Variants in MED12L observed in about 807,000 individuals in gnomAD.
MED12L encodes mediator complex subunit 12L.
Under a neutral mutation model 281.3 loss-of-function variants are expected in MED12L, and 60 were observed. That is an observed-to-expected ratio of 0.21 (90% CI 0.17 to 0.26). The LOEUF is 0.26. Among genes scored for constraint, MED12L ranks in the 10% least tolerant of loss-of-function variants. The pLI, the probability that MED12L is intolerant of heterozygous loss-of-function variation, is 1.00. For missense variants in MED12L, 2,146 were observed against 2,680.9 expected (o/e 0.80, Z 4.41); for synonymous variants, 974 against 987.2 (o/e 0.99, Z 0.25).
chr3:151,142,400 CAA>C (rs1717151550), intron 5 of MED12L, among the ~76,000 whole-genome samples: 1 of 152,124 alleles, frequency 6.6e-6, no homozygotes, highest in African/African-American at 2.4e-5. Context: ...AAAGCATAAA[CAA>C]GAGAATTTTA....
At chr3:151,189,357 G>C (rs1205131900) in intron 13 of MED12L, among the ~76,000 whole-genome samples, 1 of 152,144 alleles carries the variant, frequency 6.6e-6, no homozygotes, top group African/African-American at 2.4e-5. Flanking sequence ...TTGGAACATA[G>C]GGAGGAGTAA....
chr3:151,259,834 GT>G (rs1266017295), intron 16 of MED12L, among the ~76,000 whole-genome samples: 30 of 152,224 alleles, frequency 2.0e-4, no homozygotes, highest in Admixed American at 2.0e-3. Flanking sequence ...TTTTCACTCT[GT>G]TTATTCTATT....
At chr3:151,129,162 T>A (rs1714972005) in intron 5 of MED12L, among the ~76,000 whole-genome samples, 3 of 152,216 alleles carry the variant, frequency 2.0e-5, no homozygotes, top group Admixed American at 6.5e-5. Context: ...GGACAGAAAG[T>A]ACAGACGTCT....
chr3:151,250,969 A>G (rs975528454), intron 16 of MED12L, among the ~76,000 whole-genome samples: 1 of 152,142 alleles, frequency 6.6e-6, no homozygotes, highest in African/African-American at 2.4e-5. Flanking sequence ...TCTTTCTAGT[A>G]GTAGCCATCT....
intron 9 of MED12L, 112 bp from the exon 10 acceptor site, chr3:151,165,308 C>G: frequency 3.3e-6 from 2 of 609,502 alleles, no homozygotes; most frequent in Non-Finnish European, 5.4e-6. Context: ...ACAATGCAGT[C>G]AAGATTGTAG....
intron 11 of MED12L, 107 bp from the exon 12 acceptor site, chr3:151,185,223 A>G: frequency 2.8e-6 from 3 of 1,082,506 alleles, no homozygotes; most frequent in Non-Finnish European, 3.9e-6. Flanking sequence ...ATAATAAAAC[A>G]TGGAAAAAAG....
In MED12L at chr3:151,385,077, G is replaced by A; in HGVS notation, c.4974G>A (p.Gln1658=). 1 of 1,611,314 alleles carries A rather than the reference G, an allele frequency of 6.2e-7. No homozygotes were observed. Among genetic ancestry groups the A allele is most frequent in the Non-Finnish European group, 8.5e-7 (1 of 1,178,144 alleles). Residue 1658 remains glutamine, a synonymous_variant, in exon 36 of 45, where the codon CAG becomes CAA. Transcript: ENST00000687756. ...KRSESIDKVR[Q]LLPLPKQTCD... Reference sequence around the variant, plus strand: ...CAGAAAGTATTGACAAAGTTCGACAGTTACTACCTTTGCCGAAACAGACAT... The same window carrying A: ...CAGAAAGTATTGACAAAGTTCGACAATTACTACCTTTGCCGAAACAGACAT...
At chr3:151,398,413 A>G (rs1715255434) in intron 39 of MED12L, among the ~76,000 whole-genome samples, 1 of 152,208 alleles carries the variant, frequency 6.6e-6, no homozygotes, top group Non-Finnish European at 1.5e-5. Context: ...AGAATTCCAT[A>G]AAATAACCCT....
intron 41 of MED12L, among the ~76,000 whole-genome samples, chr3:151,412,526 C>T (rs1249682337): frequency 6.6e-6 from 1 of 152,156 alleles, no homozygotes; most frequent in African/African-American, 2.4e-5. Flanking sequence ...TGCATGACGA[C>T]TCCAAGTAAT....
chr3:151,198,232 T>G, intron 16 of MED12L: 1 of 469,772 alleles, frequency 2.1e-6, no homozygotes, highest in Non-Finnish European at 3.7e-6. Context: ...GGTTAATGAG[T>G]AGCAGCAAGC....
intron 5 of MED12L, among the ~76,000 whole-genome samples, chr3:151,132,978 A>G (rs1355410379): frequency 6.6e-6 from 1 of 152,240 alleles, no homozygotes; most frequent in Non-Finnish European, 1.5e-5. Context: ...ATTAAATCAC[A>G]TACACTTCAG....
chr3:151,265,351 C>T (rs1312365596), intron 16 of MED12L, among the ~76,000 whole-genome samples: 1 of 152,200 alleles, frequency 6.6e-6, no homozygotes, highest in Non-Finnish European at 1.5e-5. Flanking sequence ...TTTTTCCCAG[C>T]ACAGACGTGG....
rs774232041 is a variant in MED12L at position 151,416,386 on chromosome 3, C to T, written c.6372C>T (p.Thr2124=). 3 of 1,612,780 alleles carry T rather than the reference C, an allele frequency of 1.9e-6. No homozygotes were observed. The highest frequency in any genetic ancestry group is 2.5e-6 in the Non-Finnish European group (3 of 1,179,428). ...PQQSSQSQSQ[T]LGLQAMQPQQ... is the part of the protein sequence containing the mutation. ...AGTCCTCGCAGTCCCAGAGTCAGAC[C>T]CTTGGTCTCCAAGCAATGCAGCCCC... The change falls in exon 43 of 45, where the codon ACC becomes ACT. Residue 2124 remains threonine (T), a synonymous_variant. Transcript: ENST00000687756.
chr3:151,431,628 C>T (rs760725961), intron 44 of MED12L, among the ~76,000 whole-genome samples: 2 of 152,048 alleles, frequency 1.3e-5, no homozygotes, highest in Admixed American at 1.3e-4. Flanking sequence ...AATCCTTATT[C>T]TTATAGAAAA....
At chr3:151,305,911 T>G (rs1746572732) in intron 16 of MED12L, among the ~76,000 whole-genome samples, 1 of 152,010 alleles carries the variant, frequency 6.6e-6, no homozygotes, top group South Asian at 2.1e-4. Context: ...TTTTGAAAGA[T>G]GAGAAGATTT....
chr3:151,389,645 G>A (rs997495309), intron 37 of MED12L, among the ~76,000 whole-genome samples: 1 of 152,198 alleles, frequency 6.6e-6, no homozygotes, highest in African/African-American at 2.4e-5. Context: ...ATGATCATGA[G>A]TCTTAGCAAC....
At chr3:151,252,805 T>C (rs966420367) in intron 16 of MED12L, among the ~76,000 whole-genome samples, 3 of 152,114 alleles carry the variant, frequency 2.0e-5, no homozygotes, top group African/African-American at 7.2e-5. Context: ...CTAGAACTTA[T>C]CTAGAAAACC....
chr3:151,312,343 G>T (rs1747659009), intron 16 of MED12L, among the ~76,000 whole-genome samples: 1 of 152,204 alleles, frequency 6.6e-6, no homozygotes, highest in Admixed American at 6.5e-5. Context: ...TCTAGTATGT[G>T]CAAACAGTCC....
chr3:151,416,272 T>A, intron 42 of MED12L, 40 bp from the exon 43 acceptor site: 1 of 1,612,360 alleles, frequency 6.2e-7, no homozygotes, highest in Non-Finnish European at 8.5e-7. Flanking sequence ...GCTGTTTTCT[T>A]CTTCCTTTTA....
Sources: allele counts gnomAD v4.1 joint callset (sites outside exome capture counted in the v4.1 genomes callset), GRCh38; gene constraint gnomAD v4.1.1; transcripts MANE v1.5; gene names NCBI Gene and HGNC (gene_info 2026-07-23, HGNC 2026-07-21).